HTR1F: variants seen among roughly 807,000 people sequenced by gnomAD.
HTR1F encodes 5-hydroxytryptamine receptor 1F.
In HTR1F, 17 loss-of-function variants were observed where a neutral mutation model predicts 24.0. That is an observed-to-expected ratio of 0.71 (90% CI 0.48 to 1.06). The LOEUF is 1.06. Ranked by LOEUF, HTR1F falls within the 50% of genes least tolerant of loss-of-function variation. The pLI is 0.00. For missense variants in HTR1F, 391 were observed against 427.8 expected, an observed-to-expected ratio of 0.91 and a Z score of 0.76; for synonymous variants, 186 against 156.8, an observed-to-expected ratio of 1.19 and a Z score of -1.39.
chr3:87,946,293 A>G (rs971916562), intron 2 of HTR1F, among the ~76,000 whole-genome samples: 14 of 152,172 alleles, frequency 9.2e-5, no homozygotes, highest in Non-Finnish European at 1.9e-4. Context: ...CATAACAAAC[A>G]CGGACCAGAA....
chr3:87,869,796 T>C (rs1447234979), intron 2 of HTR1F, among the ~76,000 whole-genome samples: 1 of 152,080 alleles, frequency 6.6e-6, no homozygotes, highest in African/African-American at 2.4e-5. Flanking sequence ...GTCTATTGAT[T>C]TAAATGTTAA....
intron 2 of HTR1F, among the ~76,000 whole-genome samples, chr3:87,854,161 AT>A (rs1705150921): frequency 6.6e-6 from 1 of 151,946 alleles, no homozygotes; most frequent in Non-Finnish European, 1.5e-5. Context: ...TTTATGTAGA[AT>A]TTTAACCCCA....
intron 2 of HTR1F, among the ~76,000 whole-genome samples, chr3:87,988,718 G>A (rs1409246707): frequency 2.6e-5 from 4 of 151,346 alleles, no homozygotes; most frequent in African/African-American, 9.7e-5. Context: ...ACAGGCGTGT[G>A]CCACCAAGCC....
At chr3:87,927,732 G>A (rs1679530249) in intron 2 of HTR1F, among the ~76,000 whole-genome samples, 1 of 151,922 alleles carries the variant, frequency 6.6e-6, no homozygotes, top group Admixed American at 6.6e-5. Context: ...ATTTATTTAT[G>A]CAACACATAC....
chr3:87,804,587 A>AT (rs1391778927), intron 1 of HTR1F, among the ~76,000 whole-genome samples: 1 of 151,808 alleles, frequency 6.6e-6, no homozygotes, highest in Non-Finnish European at 1.5e-5. Flanking sequence ...GAATATCAGT[A>AT]TTTTTCCTAT....
At chr3:87,804,879 A>G (rs1437163490) in intron 1 of HTR1F, among the ~76,000 whole-genome samples, 3 of 152,096 alleles carry the variant, frequency 2.0e-5, no homozygotes, top group Non-Finnish European at 4.4e-5. Context: ...TCTGTTGGAC[A>G]TTTCTTTATA....
chr3:87,795,133 G>A (rs55807523), intron 1 of HTR1F, among the ~76,000 whole-genome samples: 41,110 of 151,422 alleles, frequency 0.27, 5,909 homozygotes, highest in East Asian at 0.43. Context: ...GATTGCAGGC[G>A]CATGCCACCA....
chr3:87,797,653 G>A (rs897013908), intron 1 of HTR1F, among the ~76,000 whole-genome samples: 6 of 146,638 alleles, frequency 4.1e-5, no homozygotes, highest in Non-Finnish European at 4.6e-5. Flanking sequence ...CTTCACGCAT[G>A]AATCTGAAAA....
chr3:87,918,093 C>T (rs370644355), intron 2 of HTR1F, among the ~76,000 whole-genome samples: 90 of 152,020 alleles, frequency 5.9e-4, no homozygotes, highest in African/African-American at 2.0e-3. Flanking sequence ...TGATATACCA[C>T]ATAAACAGCA....
intron 2 of HTR1F, among the ~76,000 whole-genome samples, chr3:87,892,779 G>A (rs1196540953): frequency 6.6e-6 from 1 of 151,664 alleles, no homozygotes; most frequent in Non-Finnish European, 1.5e-5. Context: ...AATCTATACT[G>A]TAATAAAGGT....
At position 87,827,123 on chromosome 3, in the gene HTR1F, C is replaced by CTT. The variant is rs61445115; in HGVS notation, c.-43+5012_-43+5013dup. 9.4e-3 allele frequency among the ~76,000 whole-genome samples: 1,350 copies of CTT among 143,632 alleles called. 20 individuals carry two copies. Among genetic ancestry groups the CTT allele is most frequent in the African/African-American group, 0.032 (1,240 of 39,352 alleles). 94.2% of individuals were successfully genotyped at this position (143,632 alleles called of 152,430 possible). On this transcript the variant is annotated intron_variant, in intron 2 of 2. Transcript: ENST00000319595. ...ACCACTATCATTATTTTCTTTCTTTCTTTTTTTTTTTTTTACTTTAAGTCC... is the reference window on the plus strand; with the variant it reads ...ACCACTATCATTATTTTCTTTCTTTCTTTTTTTTTTTTTTTTACTTTAAGTCC...
chr3:87,904,818 G>C (rs1703623064), intron 2 of HTR1F, among the ~76,000 whole-genome samples: 1 of 152,066 alleles, frequency 6.6e-6, no homozygotes, highest in Non-Finnish European at 1.5e-5. Flanking sequence ...AGTTAGTATA[G>C]TGGTTACATT....
At chr3:87,902,992 T>G (rs994019430) in intron 2 of HTR1F, among the ~76,000 whole-genome samples, 9 of 151,240 alleles carry the variant, frequency 6.0e-5, no homozygotes, top group Non-Finnish European at 1.2e-4. Context: ...CTATCTGATC[T>G]TTGACAAACC....
intron 1 of HTR1F, among the ~76,000 whole-genome samples, chr3:87,799,488 CA>C (rs1376541419): frequency 3.3e-5 from 5 of 152,228 alleles, no homozygotes; most frequent in African/African-American, 9.6e-5. Flanking sequence ...TAGCAAACAA[CA>C]TAGTGATATT....
At chr3:87,824,267 G>T (rs1161788990) in intron 2 of HTR1F, among the ~76,000 whole-genome samples, 1 of 152,108 alleles carries the variant, frequency 6.6e-6, no homozygotes. Context: ...ACCCTTGGTT[G>T]CTTAGACCAA....
chr3:87,961,151 T>TAAAA (rs1705052163), intron 2 of HTR1F, among the ~76,000 whole-genome samples: 1 of 152,036 alleles, frequency 6.6e-6, no homozygotes, highest in African/African-American at 2.4e-5. Context: ...GATGCCTTTT[T>TAAAA]ACCCAGGATT....
At chr3:87,814,830 G>A (rs547664393) in intron 1 of HTR1F, among the ~76,000 whole-genome samples, 188 of 152,154 alleles carry the variant, frequency 1.2e-3, no homozygotes, top group African/African-American at 4.4e-3. Flanking sequence ...AATTAGTAAG[G>A]GAATGATATG....
At chr3:87,860,635 C>A (rs1705297776) in intron 2 of HTR1F, among the ~76,000 whole-genome samples, 1 of 152,046 alleles carries the variant, frequency 6.6e-6, no homozygotes, top group Non-Finnish European at 1.5e-5. Flanking sequence ...AGTGAGAGAT[C>A]CATTTTTTTT....
chr3:87,961,080 C>G (rs1467696184), intron 2 of HTR1F, among the ~76,000 whole-genome samples: 1 of 151,846 alleles, frequency 6.6e-6, no homozygotes, highest in East Asian at 1.9e-4. Context: ...CTGGGGTTCC[C>G]CTATGAGAGA....
Sources: allele counts gnomAD v4.1 joint callset (sites outside exome capture counted in the v4.1 genomes callset), GRCh38; gene constraint gnomAD v4.1.1; transcripts MANE v1.5; gene names NCBI Gene and HGNC (gene_info 2026-07-23, HGNC 2026-07-21).